LYPD6: variants seen among roughly 807,000 people sequenced by gnomAD.
The protein encoded by LYPD6 is LY6/PLAUR domain containing 6, also known as ly6/PLAUR domain-containing protein 6.
In LYPD6, 15 loss-of-function variants were observed where a neutral mutation model predicts 22.7. The observed-to-expected ratio is 0.66, with a 90% CI of 0.44 to 1.02. LYPD6 has a LOEUF of 1.02. Ranked by LOEUF, LYPD6 falls within the 50% of genes least tolerant of loss-of-function variation. LYPD6 has a pLI of 0.00. For synonymous variants in LYPD6, 72 were observed against 77.5 expected (o/e 0.93, Z 0.37); for missense variants, 189 against 208.4 (o/e 0.91, Z 0.57).
At chr2:149,362,759 T>TA (rs1470930308) in intron 1 of LYPD6, among the ~76,000 whole-genome samples, 1 of 152,130 alleles carries the variant, frequency 6.6e-6, no homozygotes, top group Non-Finnish European at 1.5e-5. Flanking sequence ...AACGTACTCT[T>TA]ATGATAAATA....
At chr2:149,438,396 C>G (rs1447481003) in intron 2 of LYPD6, among the ~76,000 whole-genome samples, 1 of 152,210 alleles carries the variant, frequency 6.6e-6, no homozygotes. Flanking sequence ...GCAAGAACTT[C>G]AAGTACTTCT....
chr2:149,405,753 A>C (rs1306065758), intron 1 of LYPD6, among the ~76,000 whole-genome samples: 1 of 150,988 alleles, frequency 6.6e-6, no homozygotes, highest in Non-Finnish European at 1.5e-5. Context: ...CTCTGATTTT[A>C]GTTATTTCTT....
At chr2:149,374,866 T>C (rs570118264) in intron 1 of LYPD6, among the ~76,000 whole-genome samples, 8 of 152,310 alleles carry the variant, frequency 5.3e-5, no homozygotes, top group African/African-American at 1.9e-4. Context: ...ATAGTGGTTT[T>C]GTTTTGTTTT....
chr2:149,358,655 A>C (rs1681513873), intron 1 of LYPD6, among the ~76,000 whole-genome samples: 2 of 151,968 alleles, frequency 1.3e-5, no homozygotes, highest in African/African-American at 4.8e-5. Flanking sequence ...TGAATATGCA[A>C]ATATATATAT....
chr2:149,438,705 A>G (rs62190597), intron 2 of LYPD6, among the ~76,000 whole-genome samples: 44,232 of 152,176 alleles, frequency 0.29, 8,306 homozygotes, highest in African/African-American at 0.54. Flanking sequence ...TGAGGATCAC[A>G]TAGTCTACAA....
At chr2:149,430,177 G>A (rs1247986195) in intron 1 of LYPD6, among the ~76,000 whole-genome samples, 1 of 152,282 alleles carries the variant, frequency 6.6e-6, no homozygotes, top group East Asian at 1.9e-4. Flanking sequence ...TCGGCTCACT[G>A]CAACCTCCGC....
intron 1 of LYPD6, among the ~76,000 whole-genome samples, chr2:149,344,459 A>G (rs998204733): frequency 1.3e-5 from 2 of 152,240 alleles, no homozygotes; most frequent in Admixed American, 1.3e-4. Context: ...AGGGGATAAT[A>G]TTTCAGAAAA....
chr2:149,378,416 C>T (rs1681981353), intron 1 of LYPD6, among the ~76,000 whole-genome samples: 1 of 152,198 alleles, frequency 6.6e-6, no homozygotes, highest in African/African-American at 2.4e-5. Context: ...TTGGGCTTGG[C>T]CCGATTAAAC....
At position 149,397,353 on chromosome 2, in the gene LYPD6, C is replaced by T. The variant is rs1195411989; in HGVS notation, c.-71-40285C>T. 2.0e-5 allele frequency among the ~76,000 whole-genome samples: 3 copies of T among 152,150 alleles called. 1 individual carries two copies. The highest frequency in any genetic ancestry group is 4.4e-5 in the Non-Finnish European group (3 of 68,038). On this transcript the variant is annotated intron_variant, in intron 1 of 4. Transcript: ENST00000334166. ...TTGTTTCAGTGTTCCTCCATGAGGCCTCTGTCTCCATCAGAGTAGCCTGGA... is the reference window on the plus strand; with the variant it reads ...TTGTTTCAGTGTTCCTCCATGAGGCTTCTGTCTCCATCAGAGTAGCCTGGA...
intron 1 of LYPD6, among the ~76,000 whole-genome samples, chr2:149,421,430 A>G (rs866067165): frequency 1.7e-4 from 26 of 148,742 alleles, no homozygotes; most frequent in South Asian, 4.3e-4. Context: ...TTATTTCTTG[A>G]TGTCCCAGTT....
At chr2:149,423,890 G>T (rs1683135382) in intron 1 of LYPD6, among the ~76,000 whole-genome samples, 1 of 152,154 alleles carries the variant, frequency 6.6e-6, no homozygotes, top group Non-Finnish European at 1.5e-5. Flanking sequence ...TGTGTATTCT[G>T]ACTCTTAATG....
At chr2:149,429,723 A>T (rs963403491) in intron 1 of LYPD6, among the ~76,000 whole-genome samples, 1 of 152,172 alleles carries the variant, frequency 6.6e-6, no homozygotes. Context: ...CTTTTCTGGA[A>T]GTTTCTGTGC....
chr2:149,469,407 C>T (rs1681280965), intron 4 of LYPD6, among the ~76,000 whole-genome samples: 1 of 152,072 alleles, frequency 6.6e-6, no homozygotes, highest in Non-Finnish European at 1.5e-5. Flanking sequence ...GCAGCCTTGC[C>T]CTCTATACGT....
chr2:149,358,584 G>T (rs1234693433), intron 1 of LYPD6, among the ~76,000 whole-genome samples: 1 of 152,160 alleles, frequency 6.6e-6, no homozygotes, highest in Admixed American at 6.5e-5. Context: ...GAGTCAATGT[G>T]TAAGGGAGTG....
chr2:149,402,129 T>TAA (rs879643167), intron 1 of LYPD6, among the ~76,000 whole-genome samples: 1 of 145,006 alleles, frequency 6.9e-6, no homozygotes, highest in Non-Finnish European at 1.5e-5. Context: ...TCCCAGAACT[T>TAA]AAAAAAAAAA....
intron 1 of LYPD6, among the ~76,000 whole-genome samples, chr2:149,405,048 G>T (rs548911864): frequency 1.3e-5 from 2 of 152,062 alleles, no homozygotes; most frequent in South Asian, 4.1e-4. Flanking sequence ...ATTAATTTGC[G>T]TATATTGAAC....
At chr2:149,482,180 T>A in the LYPD6 span, among the ~76,000 whole-genome samples, 4 of 152,220 alleles carry the variant, frequency 2.6e-5, no homozygotes, top group African/African-American at 4.8e-5. Context: ...CAAGACACAT[T>A]AATTTTTAAA....
chr2:149,477,622 CAAAAAAAAAAAAAAA>C (rs35507967), downstream of LYPD6, among the ~76,000 whole-genome samples: 1 of 62,912 alleles, frequency 1.6e-5, no homozygotes, highest in Admixed American at 1.9e-4. Flanking sequence ...AACTGTGTCT[CAAAAAAAAAAAAAAA>C]AAAAAAAAAA....
chr2:149,363,876 C>T (rs1470981224), intron 1 of LYPD6, among the ~76,000 whole-genome samples: 1 of 152,102 alleles, frequency 6.6e-6, no homozygotes, highest in Non-Finnish European at 1.5e-5. Flanking sequence ...TTGGTAAATG[C>T]ATTTGATAAA....
Sources: gnomAD v4.1 joint callset for allele counts (sites outside exome capture counted in the v4.1 genomes callset) on GRCh38, gnomAD v4.1.1 for gene constraint, MANE v1.5 for transcripts, NCBI Gene and HGNC (gene_info 2026-07-23, HGNC 2026-07-21) for gene names.